PDE8B: variants seen among roughly 807,000 people sequenced by gnomAD.
The protein encoded by PDE8B is high affinity cAMP-specific and IBMX-insensitive 3',5'-cyclic phosphodiesterase 8B.
PDE8B carries 26 observed loss-of-function variants against 101.3 expected under a neutral mutation model. The observed-to-expected ratio is 0.26, with a 90% CI of 0.19 to 0.36. The LOEUF is 0.36. Ranked by LOEUF, PDE8B falls within the 10% of genes least tolerant of loss-of-function variation. The pLI is 1.00. For synonymous variants in PDE8B, 424 were observed against 429.3 expected, an observed-to-expected ratio of 0.99 and a Z score of 0.15; for missense variants, 810 against 1,163.1, an observed-to-expected ratio of 0.70 and a Z score of 4.42.
chr5:77,234,341 G>A (rs1046217872), intron 1 of PDE8B, among the ~76,000 whole-genome samples: 7 of 152,162 alleles, frequency 4.6e-5, no homozygotes, highest in African/African-American at 1.7e-4. Flanking sequence ...CTCCATCTAT[G>A]GCATTTTATC....
At chr5:77,374,013 G>A (rs965026549) in intron 10 of PDE8B, among the ~76,000 whole-genome samples, 3 of 152,050 alleles carry the variant, frequency 2.0e-5, no homozygotes, top group African/African-American at 7.2e-5. Flanking sequence ...ACCATGCCCA[G>A]CTAATTTTGT....
At chr5:77,409,323 G>A (rs1794093480) in intron 14 of PDE8B, among the ~76,000 whole-genome samples, 1 of 152,170 alleles carries the variant, frequency 6.6e-6, no homozygotes, top group Admixed American at 6.5e-5. Context: ...GAGTCATTGG[G>A]CAACTGATGG....
chr5:77,131,351 AC>A, the PDE8B span: 1 of 152,194 alleles, frequency 6.6e-6, no homozygotes, highest in Non-Finnish European at 1.5e-5. Flanking sequence ...CACCATGTGA[AC>A]CCCAAGCCCA....
chr5:77,402,852 C>T (rs899568766), intron 11 of PDE8B, among the ~76,000 whole-genome samples: 2 of 152,218 alleles, frequency 1.3e-5, no homozygotes, highest in East Asian at 1.9e-4. Context: ...TGAATCTTGA[C>T]GATTTGGCTC....
At chr5:77,106,160 TTAATTTTA>T in the PDE8B span, 1 of 152,226 alleles carries the variant, frequency 6.6e-6, no homozygotes. Context: ...TGAGCAAAAA[TTAATTTTA>T]TAAAAGCTTA....
chr5:77,263,278 G>A (rs941459386), intron 1 of PDE8B, among the ~76,000 whole-genome samples: 2 of 152,172 alleles, frequency 1.3e-5, no homozygotes, highest in African/African-American at 2.4e-5. Context: ...AGATCAATGC[G>A]AACTTTTATT....
chr5:77,425,826 C>T lies in PDE8B; in HGVS notation c.2478C>T (p.Thr826=). The T allele has an allele frequency of 1.2e-6, 2 of 1,612,428 alleles. No individual in the cohort carries two copies. The highest frequency in any genetic ancestry group is 1.7e-6 in the Non-Finnish European group (2 of 1,178,464). The part of the protein sequence containing the change: ...PVVMPVFDRN[T]CSIPKSQISF... ...TGATGCCAGTGTTTGACCGGAATAC[C>T]TGTAGCATCCCCAAGTCTCAGATCT... The change falls in exon 21 of 22, where the codon ACC becomes ACT. Residue 826 remains threonine (T), a synonymous_variant. Coordinates refer to ENST00000264917, the MANE Select transcript of PDE8B (RefSeq NM_003719.5).
At chr5:77,255,754 T>A (rs187252575) in intron 1 of PDE8B, among the ~76,000 whole-genome samples, 7 of 152,350 alleles carry the variant, frequency 4.6e-5, no homozygotes, top group Non-Finnish European at 7.4e-5. Flanking sequence ...AGGTTGAGGT[T>A]CCTGGTTGAC....
At chr5:77,160,012 A>G in the PDE8B span, among the ~76,000 whole-genome samples, 1 of 152,226 alleles carries the variant, frequency 6.6e-6, no homozygotes, top group African/African-American at 2.4e-5. Flanking sequence ...GACACATAAC[A>G]GAGGCATAAA....
At chr5:77,362,080 G>C (rs1581242251) in intron 10 of PDE8B, among the ~76,000 whole-genome samples, 1 of 152,272 alleles carries the variant, frequency 6.6e-6, no homozygotes, top group African/African-American at 2.4e-5. Context: ...GTAAACATTA[G>C]GCCTTATGGT....
At chr5:77,099,212 G>A in the PDE8B span, among the ~76,000 whole-genome samples, 8 of 152,224 alleles carry the variant, frequency 5.3e-5, no homozygotes, top group Admixed American at 2.6e-4. Flanking sequence ...AGTGCGCTAA[G>A]CTTGGAGTTT....
intron 1 of PDE8B, among the ~76,000 whole-genome samples, chr5:77,220,030 G>A (rs770360055): frequency 8.5e-5 from 13 of 152,196 alleles, no homozygotes; most frequent in East Asian, 1.9e-4. Flanking sequence ...ACACCTAGGC[G>A]GGTAAGTTTT....
At chr5:77,096,915 G>A in the PDE8B span, among the ~76,000 whole-genome samples, 1 of 152,142 alleles carries the variant, frequency 6.6e-6, no homozygotes, top group African/African-American at 2.4e-5. Flanking sequence ...ACACTCACAA[G>A]TACCCAGAGT....
chr5:77,216,896 A>C (rs1749873678), intron 1 of PDE8B, among the ~76,000 whole-genome samples: 1 of 152,154 alleles, frequency 6.6e-6, no homozygotes, highest in Admixed American at 6.5e-5. Context: ...TATCCTGAGC[A>C]TATCCCAAAG....
At chr5:77,180,397 T>G in the PDE8B span, 1 of 976,614 alleles carries the variant, frequency 1.0e-6, no homozygotes, top group Non-Finnish European at 1.2e-6. Flanking sequence ...TGTGCGGGGC[T>G]AAGGCGCCAG....
chr5:77,283,073 A>T (rs1346828202), intron 1 of PDE8B, among the ~76,000 whole-genome samples: 1 of 152,206 alleles, frequency 6.6e-6, no homozygotes, highest in East Asian at 1.9e-4. Context: ...AAAAGTATGG[A>T]TATATTATTG....
At chr5:77,224,821 G>A (rs1047341648) in intron 1 of PDE8B, among the ~76,000 whole-genome samples, 1 of 152,072 alleles carries the variant, frequency 6.6e-6, no homozygotes, top group African/African-American at 2.4e-5. Context: ...AAGAAACTGG[G>A]TCATTTGTCC....
At chr5:77,333,400 T>C (rs901487739) in intron 5 of PDE8B, among the ~76,000 whole-genome samples, 23 of 152,236 alleles carry the variant, frequency 1.5e-4, no homozygotes, top group African/African-American at 5.1e-4. Flanking sequence ...ACAGGCTTCA[T>C]AGAACTTCTG....
intron 1 of PDE8B, among the ~76,000 whole-genome samples, chr5:77,281,834 C>CTGTAATG: frequency 6.6e-6 from 1 of 152,186 alleles, no homozygotes; most frequent in Non-Finnish European, 1.5e-5. Flanking sequence ...ATTATCACTT[C>CTGTAATG]ACCCCCTGTA....
Sources: gnomAD v4.1 joint callset for allele counts (sites outside exome capture counted in the v4.1 genomes callset) on GRCh38, gnomAD v4.1.1 for gene constraint, MANE v1.5 for transcripts, NCBI Gene and HGNC (gene_info 2026-07-23, HGNC 2026-07-21) for gene names.